The following MKLN1 variants were observed in gnomAD, a reference collection of about 807,000 sequenced individuals.
The protein encoded by MKLN1 is muskelin 1.
Under a neutral mutation model 99.0 loss-of-function variants are expected in MKLN1, and 18 were observed. The observed-to-expected ratio is 0.18, with a 90% confidence interval of 0.13 to 0.27. MKLN1 has a LOEUF of 0.27. Ranked by LOEUF, MKLN1 falls within the 10% of genes least tolerant of loss-of-function variation. The pLI is 1.00. For missense variants in MKLN1, 621 were observed against 875.9 expected (o/e 0.71, Z 3.67); for synonymous variants, 288 against 293.2 (o/e 0.98, Z 0.18).
intron 1 of MKLN1, among the ~76,000 whole-genome samples, chr7:131,350,481 G>A (rs143786245): frequency 6.6e-6 from 1 of 152,276 alleles, no homozygotes; most frequent in Non-Finnish European, 1.5e-5. Context: ...TCTGCTCCAG[G>A]TCTCTAAGGC....
At chr7:131,425,320 C>G (rs779089827) in intron 8 of MKLN1, among the ~76,000 whole-genome samples, 5 of 151,704 alleles carry the variant, frequency 3.3e-5, no homozygotes, top group Non-Finnish European at 7.4e-5. Context: ...ATCCTGCCTT[C>G]CTGCTGGTGC....
At chr7:131,282,349 CAAA>C (rs1001483569) in intron 3 of MKLN1, among the ~76,000 whole-genome samples, 2 of 65,680 alleles carry the variant, frequency 3.0e-5, no homozygotes, top group Non-Finnish European at 3.3e-5. Context: ...AACTCCGTCT[CAAA>C]AAAAAAAAAA....
intron 13 of MKLN1, among the ~76,000 whole-genome samples, chr7:131,463,806 A>T (rs1445948123): frequency 6.6e-6 from 1 of 152,210 alleles, no homozygotes; most frequent in South Asian, 2.1e-4. Flanking sequence ...TTGCTTTGGG[A>T]AAACATGGAT....
At chr7:131,356,273 C>T (rs1220487077) in intron 1 of MKLN1, among the ~76,000 whole-genome samples, 1 of 152,016 alleles carries the variant, frequency 6.6e-6, no homozygotes, top group Non-Finnish European at 1.5e-5. Context: ...TGTTTTATAT[C>T]TATTAGCCTG....
intron 1 of MKLN1, among the ~76,000 whole-genome samples, chr7:131,335,663 G>C (rs921298719): frequency 1.3e-5 from 2 of 148,664 alleles, no homozygotes; most frequent in African/African-American, 4.9e-5. Context: ...ATGTTTTTCA[G>C]ATTTTATTTT....
intron 2 of MKLN1, among the ~76,000 whole-genome samples, chr7:131,160,082 C>T (rs1314082400): frequency 6.6e-6 from 1 of 152,170 alleles, no homozygotes; most frequent in East Asian, 1.9e-4. Context: ...TCTCAATTCT[C>T]TCCTAACCAC....
chr7:131,288,413 C>T (rs1798164983), intron 3 of MKLN1, among the ~76,000 whole-genome samples: 1 of 152,198 alleles, frequency 6.6e-6, no homozygotes, highest in Non-Finnish European at 1.5e-5. Flanking sequence ...CACCACCCTC[C>T]CTACATCCTT....
chr7:131,373,859 TCC>T (rs1793546498), intron 1 of MKLN1, among the ~76,000 whole-genome samples: 7 of 152,292 alleles, frequency 4.6e-5, no homozygotes, highest in African/African-American at 1.7e-4. Flanking sequence ...TGATCCAAGA[TCC>T]CACATTACAT....
intron 1 of MKLN1, among the ~76,000 whole-genome samples, chr7:131,130,266 G>A (rs1795529665): frequency 6.6e-6 from 1 of 152,180 alleles, no homozygotes; most frequent in Non-Finnish European, 1.5e-5. Context: ...TATGCCTAGG[G>A]TTGGGCAACT....
At chr7:131,325,909 G>T (rs953825456), upstream of MKLN1, among the ~76,000 whole-genome samples, 6 of 147,474 alleles carry the variant, frequency 4.1e-5, no homozygotes, top group East Asian at 2.1e-4. Context: ...GTGGGGGGGG[G>T]GTGGTGGTGA....
At chr7:131,318,713 AAAG>A (rs1798715890) in intron 3 of MKLN1, among the ~76,000 whole-genome samples, 2 of 152,316 alleles carry the variant, frequency 1.3e-5, no homozygotes, top group African/African-American at 4.8e-5. Context: ...CTAGACTAAC[AAAG>A]AAGAGACAAG....
intron 3 of MKLN1, among the ~76,000 whole-genome samples, chr7:131,300,559 C>T (rs1471366598): frequency 6.6e-6 from 1 of 150,998 alleles, no homozygotes; most frequent in Non-Finnish European, 1.5e-5. Flanking sequence ...TGGGGCACAC[C>T]TGTAATAATC....
At chr7:131,429,581 G>T (rs1343520734) in intron 9 of MKLN1, among the ~76,000 whole-genome samples, 1 of 151,946 alleles carries the variant, frequency 6.6e-6, no homozygotes, top group African/African-American at 2.4e-5. Flanking sequence ...TTTCATAAAT[G>T]ATATATATTA....
chr7:131,475,420 A>G (rs1277173623), intron 16 of MKLN1, among the ~76,000 whole-genome samples: 2 of 152,224 alleles, frequency 1.3e-5, no homozygotes, highest in African/African-American at 2.4e-5. Context: ...CAACCATTCA[A>G]AGAAGGAAGA....
At chr7:131,196,004 C>A (rs1045934471) in intron 2 of MKLN1, among the ~76,000 whole-genome samples, 7 of 151,974 alleles carry the variant, frequency 4.6e-5, no homozygotes, top group African/African-American at 1.5e-4. Context: ...TTTTAATTTT[C>A]TTTTTTGTGT....
chr7:131,388,530 GT>G (rs1260621380), intron 3 of MKLN1, among the ~76,000 whole-genome samples: 1 of 152,178 alleles, frequency 6.6e-6, no homozygotes, highest in Non-Finnish European at 1.5e-5. Flanking sequence ...AGATTTGACT[GT>G]GAATTATTTT....
chr7:131,121,168 A>G (rs192697542), intron 1 of MKLN1, among the ~76,000 whole-genome samples: 242 of 152,296 alleles, frequency 1.6e-3, no homozygotes, highest in South Asian at 0.014. Context: ...GAAGTGCTAC[A>G]CACACTTTCA....
intron 3 of MKLN1, among the ~76,000 whole-genome samples, chr7:131,315,186 G>A (rs1018554242): frequency 2.0e-5 from 3 of 152,030 alleles, no homozygotes; most frequent in African/African-American, 4.8e-5. Context: ...CAATGCAGAA[G>A]GCAGGTGATT....
At chr7:131,399,885 T>G (rs1200780816) in intron 6 of MKLN1, among the ~76,000 whole-genome samples, 1 of 152,224 alleles carries the variant, frequency 6.6e-6, no homozygotes, top group Admixed American at 6.5e-5. Context: ...ATATAATTGC[T>G]GATTTTCTTG....
Sources: gnomAD v4.1 joint callset for allele counts (sites outside exome capture counted in the v4.1 genomes callset) on GRCh38, gnomAD v4.1.1 for gene constraint, MANE v1.5 for transcripts, NCBI Gene and HGNC (gene_info 2026-07-23, HGNC 2026-07-21) for gene names.